SEC14L1: variants seen among roughly 807,000 people sequenced by gnomAD.
SEC14L1 encodes the protein SEC14-like protein 1.
In SEC14L1, 48 loss-of-function variants were observed where a neutral mutation model predicts 85.3. That is an observed-to-expected ratio of 0.56 (90% CI 0.45 to 0.72). SEC14L1 has a LOEUF of 0.72. Ranked by LOEUF, SEC14L1 falls within the 30% of genes least tolerant of loss-of-function variation. The pLI, the probability that SEC14L1 is intolerant of heterozygous loss-of-function variation, is 0.00. For missense variants in SEC14L1, 682 were observed against 921.4 expected, an observed-to-expected ratio of 0.74 and a Z score of 3.36; for synonymous variants, 391 against 355.5, an observed-to-expected ratio of 1.10 and a Z score of -1.12.
chr17:77,098,970 G>A (rs1405424424), intron 3 of SEC14L1: 3 of 152,110 alleles, frequency 2.0e-5, no homozygotes, highest in African/African-American at 7.2e-5. Context: ...GTGGTTACAT[G>A]TGATTAATGT....
chr17:77,124,204 A>G (rs939882183), intron 3 of SEC14L1, among the ~76,000 whole-genome samples: 4 of 152,144 alleles, frequency 2.6e-5, no homozygotes, highest in African/African-American at 7.2e-5. Flanking sequence ...TCTCTACAAA[A>G]AATATGAAAA....
intron 3 of SEC14L1, among the ~76,000 whole-genome samples, chr17:77,190,224 C>A (rs141364829): frequency 2.0e-5 from 3 of 152,154 alleles, no homozygotes; most frequent in Non-Finnish European, 1.5e-5. Flanking sequence ...AAAAGACTGG[C>A]GTGCTTTCTT....
rs562479101 is a variant in SEC14L1, at chr17:77,213,038, C to T, written c.1864-276C>T. Among the ~76,000 whole-genome samples the T allele has an allele frequency of 6.6e-6, 1 of 152,200 alleles. No homozygotes were observed. The highest frequency in any genetic ancestry group is 1.5e-5 in the Non-Finnish European group (1 of 68,030). ...CACCAGCCTGCCAGGCTCCTGCCTC[C>T]GTAGGTGGGGTGGGCTGGGCAGGCC... On this transcript the variant is annotated intron_variant, in intron 15 of 16. Coordinates refer to ENST00000436233, the MANE Select transcript of SEC14L1 (RefSeq NM_001143998.2). This position sits in a 1 kb window ranked among gnomAD's most constrained non-coding sequence, Gnocchi z 7.1.
chr17:77,205,311 C>A lies in SEC14L1; in HGVS notation c.1134C>A (p.Cys378Ter). 6.2e-7 allele frequency: 1 copy of A among 1,614,060 alleles called. No individual in the cohort carries two copies. The highest frequency in any genetic ancestry group is 8.5e-7 in the Non-Finnish European group (1 of 1,179,994). Residue 378 changes from cysteine (C) to a stop codon, truncating the protein, a stop_gained, in exon 11 of 17, where the codon TGC (cysteine) becomes TGA (stop). Transcript: ENST00000436233. LOFTEE classifies it high-confidence loss of function. ...TAAATGAAGAAGGGCTAAGGCGATGCGAAGAGAATACAAAAGTCTTTGGTC... is the reference window on the plus strand; with the variant it reads ...TAAATGAAGAAGGGCTAAGGCGATGAGAAGAGAATACAAAAGTCTTTGGTC... ...LSINEEGLRR[C>*]EENTKVFGRP...
At chr17:77,150,916 A>G (rs1173543843) in intron 3 of SEC14L1, among the ~76,000 whole-genome samples, 1 of 152,224 alleles carries the variant, frequency 6.6e-6, no homozygotes, top group Admixed American at 6.5e-5. Flanking sequence ...TTTTAGTTAC[A>G]GGAAATATTT....
chr17:77,216,877 A>T lies in SEC14L1; in HGVS notation c.*2854A>T. On this transcript the variant is annotated 3_prime_UTR_variant, in exon 17 of 17. Coordinates refer to ENST00000436233, the MANE Select transcript of SEC14L1 (RefSeq NM_001143998.2). ...GTGTTTCTACCTTTAGTACCTTGCC[A>T]CTCTTTTAAAACGCTGCTGTCATTT... The T allele has an allele frequency of 3.2e-6, 1 of 311,056 alleles. No homozygotes were observed. Among genetic ancestry groups the T allele is most frequent in the Non-Finnish European group, 6.0e-6 (1 of 166,360 alleles). The allele number at this position is 311,056 out of a possible 1,614,324, so 19.3% of individuals were successfully genotyped here.
At chr17:77,191,010 C>G in intron 4 of SEC14L1, 58 bp downstream of exon 4, 2 of 1,596,782 alleles carry the variant, frequency 1.3e-6, no homozygotes, top group South Asian at 2.2e-5. Context: ...AGAGGGCGTC[C>G]TGGTGGGAGA....
chr17:77,214,692 G>A lies in SEC14L1; in HGVS notation c.*669G>A, dbSNP rs984755273. The stretch of plus-strand genomic sequence containing the variant: ...GTGACTCCAGGAAAATGCTGCCATC[G>A]TTAAACATTACTTTCTCTTTCCTCC... On this transcript the variant is annotated 3_prime_UTR_variant, in exon 17 of 17. Transcript: ENST00000436233. 6.1e-6 allele frequency: 6 copies of A among 985,448 alleles called. No homozygotes were observed. The African/African-American group carries it at 7.0e-5, about 11-fold the overall frequency. 61.0% of individuals were successfully genotyped at this position (985,448 alleles called of 1,614,324 possible).
chr17:77,098,522 C>T (rs1003489481), intron 3 of SEC14L1, among the ~76,000 whole-genome samples: 2 of 152,012 alleles, frequency 1.3e-5, no homozygotes, highest in East Asian at 3.8e-4. Context: ...TTTCCTGTTC[C>T]TACACATTGG....
At chr17:77,151,127 C>A (rs902889317) in intron 3 of SEC14L1, among the ~76,000 whole-genome samples, 4 of 152,114 alleles carry the variant, frequency 2.6e-5, no homozygotes, top group Non-Finnish European at 5.9e-5. Flanking sequence ...TTTACCCAAA[C>A]GAATAAGCAA....
intron 3 of SEC14L1, among the ~76,000 whole-genome samples, chr17:77,119,799 C>A (rs752379039): frequency 6.6e-6 from 1 of 152,130 alleles, no homozygotes; most frequent in Non-Finnish European, 1.5e-5. Flanking sequence ...TTAAACCTAC[C>A]AGCTCCACCC....
At chr17:77,191,636 G>C (rs1975544211) in intron 5 of SEC14L1, among the ~76,000 whole-genome samples, 1 of 151,594 alleles carries the variant, frequency 6.6e-6, no homozygotes. Context: ...TCTGCTTCCC[G>C]AGTTCAAGTG....
intron 2 of SEC14L1, chr17:77,089,598 T>G: frequency 1.8e-5 from 8 of 453,982 alleles, no homozygotes; most frequent in South Asian, 1.3e-4. Flanking sequence ...AAACATTTGT[T>G]GATACATTGG....
chr17:77,115,691 G>T (rs1278568478), intron 3 of SEC14L1, among the ~76,000 whole-genome samples: 1 of 152,108 alleles, frequency 6.6e-6, no homozygotes, highest in Non-Finnish European at 1.5e-5. Flanking sequence ...GCAACCAAAG[G>T]AGCATGTTCT....
At chr17:77,178,914 AGATGGTCGCTG>A (rs1974880543) in intron 3 of SEC14L1, among the ~76,000 whole-genome samples, 4 of 152,256 alleles carry the variant, frequency 2.6e-5, no homozygotes, top group Admixed American at 2.6e-4. Flanking sequence ...TGGAACACAC[AGATGGTCGCTG>A]GATGTAGTGA....
intron 3 of SEC14L1, among the ~76,000 whole-genome samples, chr17:77,174,580 G>A (rs1193127986): frequency 5.3e-5 from 8 of 152,070 alleles, no homozygotes; most frequent in Admixed American, 3.3e-4. Flanking sequence ...TTTTTCTCCC[G>A]CGTTGCTAAG....
chr17:77,185,231 G>T (rs1189411513), intron 3 of SEC14L1: 8 of 985,486 alleles, frequency 8.1e-6, no homozygotes, highest in Non-Finnish European at 9.6e-6. Context: ...TGGTGGCAGA[G>T]TGACAGGCTT....
At chr17:77,185,497 T>G (rs970901045) in intron 3 of SEC14L1, 3 of 436,772 alleles carry the variant, frequency 6.9e-6, no homozygotes. Context: ...TGACACCTTA[T>G]GCTGACCACT....
intron 2 of SEC14L1, among the ~76,000 whole-genome samples, chr17:77,090,596 T>G (rs540825424): frequency 6.6e-6 from 1 of 151,488 alleles, no homozygotes; most frequent in East Asian, 1.9e-4. Flanking sequence ...GGGTAAAAGT[T>G]TGCTGGGCAC....
Sources: gnomAD v4.1 joint callset for allele counts (sites outside exome capture counted in the v4.1 genomes callset) on GRCh38, gnomAD v4.1.1 for gene constraint, Gnocchi (gnomAD v3.1) non-coding constraint, MANE v1.5 for transcripts, NCBI Gene and HGNC (gene_info 2026-07-23, HGNC 2026-07-21) for gene names.